ITPR1: variants seen among roughly 807,000 people sequenced by gnomAD.
ITPR1 encodes inositol 1,4,5-trisphosphate receptor type 1.
A neutral mutation model predicts 318.4 loss-of-function variants in ITPR1; 96 were observed. The observed-to-expected ratio is 0.30, with a 90% CI of 0.26 to 0.36. The LOEUF is 0.36. Ranked by LOEUF, ITPR1 falls within the 10% of genes least tolerant of loss-of-function variation. ITPR1 has a pLI of 1.00. For missense variants in ITPR1, 2,440 were observed against 3,460.2 expected, an observed-to-expected ratio of 0.71 and a Z score of 7.40; for synonymous variants, 1,312 against 1,289.9, an observed-to-expected ratio of 1.02 and a Z score of -0.37.
intron 33 of ITPR1, among the ~76,000 whole-genome samples, chr3:4,696,208 T>C (rs1013117172): frequency 1.2e-4 from 18 of 152,312 alleles, no homozygotes; most frequent in African/African-American, 4.3e-4. Flanking sequence ...CCATCACAAT[T>C]TAGTTACTGA....
At chr3:4,533,456 G>T (rs879935769) in intron 4 of ITPR1, among the ~76,000 whole-genome samples, 7 of 152,158 alleles carry the variant, frequency 4.6e-5, no homozygotes, top group Admixed American at 3.9e-4. Flanking sequence ...TAACACTGTG[G>T]AGCTGATAGG....
chr3:4,498,670 T>C (rs2080789368), intron 2 of ITPR1, among the ~76,000 whole-genome samples: 1 of 152,212 alleles, frequency 6.6e-6, no homozygotes. Context: ...TTCTGGACTG[T>C]CTGGTTAATG....
chr3:4,715,723 C>T (rs2041716932), intron 39 of ITPR1, among the ~76,000 whole-genome samples: 1 of 152,178 alleles, frequency 6.6e-6, no homozygotes, highest in South Asian at 2.1e-4. Flanking sequence ...CGTGGTGCCA[C>T]ACTCCTATAA....
intron 44 of ITPR1, among the ~76,000 whole-genome samples, chr3:4,765,201 G>T (rs1421491920): frequency 6.6e-6 from 1 of 152,180 alleles, no homozygotes; most frequent in Admixed American, 6.5e-5. Flanking sequence ...GGGAGGTGGT[G>T]ACTTGTGTCC....
chr3:4,683,371 C>T lies in ITPR1; in HGVS notation c.3162-15C>T, dbSNP rs781415718. The T allele has an allele frequency of 1.8e-5, 29 of 1,613,852 alleles. 1 individual carries two copies. In the Admixed American group the frequency reaches 4.7e-4, roughly 26 times the overall value. On this transcript the variant is annotated splice_polypyrimidine_tract_variant and intron_variant, in intron 26 of 61. Coordinates refer to ENST00000649015, the MANE Select transcript of ITPR1 (RefSeq NM_001378452.1). ...TGTCATTCATTTGGCCTTTCCCCAC[C>T]TTGTGCTCCTTTAGTGAGGAGAACA...
chr3:4,739,875 TGA>T (rs2043571943), intron 44 of ITPR1, among the ~76,000 whole-genome samples: 1 of 152,168 alleles, frequency 6.6e-6, no homozygotes, highest in African/African-American at 2.4e-5. Flanking sequence ...GGTCCTTTGC[TGA>T]GAGCTCAGCT....
intron 17 of ITPR1, 83 bp downstream of exon 17, chr3:4,665,379 C>T (rs975437041): frequency 1.5e-6 from 2 of 1,293,460 alleles, no homozygotes; most frequent in African/African-American, 2.9e-5. Context: ...TTTAGTGTCA[C>T]ATGTCTATTT....
chr3:4,539,163 T>C (rs1272474745), intron 4 of ITPR1, among the ~76,000 whole-genome samples: 1 of 152,248 alleles, frequency 6.6e-6, no homozygotes, highest in African/African-American at 2.4e-5. Flanking sequence ...TATTTTCTTA[T>C]GTCTGTTATT....
intron 2 of ITPR1, among the ~76,000 whole-genome samples, chr3:4,507,482 A>G (rs545074441): frequency 3.5e-4 from 53 of 152,304 alleles, no homozygotes; most frequent in African/African-American, 1.2e-3. Flanking sequence ...AAAAAAATGC[A>G]TGGGGATACT....
rs1001062751 is a variant in ITPR1 at position 4,680,636 on chromosome 3, G to A, written c.3051G>A (p.Gln1017=). 2 of 1,613,848 alleles carry A rather than the reference G, an allele frequency of 1.2e-6. No homozygotes were observed. Among genetic ancestry groups the A allele is most frequent in the Non-Finnish European group, 1.7e-6 (2 of 1,179,792 alleles). Residue 1017 remains glutamine (Q), a synonymous_variant, in exon 25 of 62, where the codon CAG becomes CAA. Transcript: ENST00000649015. ...GAGAGTTTGATGAAAGCAATTCCCAGACTTCAGAAACATCCTCCGGAAACA... is the reference window on the plus strand; with the variant it reads ...GAGAGTTTGATGAAAGCAATTCCCAAACTTCAGAAACATCCTCCGGAAACA... The part of the protein sequence containing the change: ...FKREFDESNS[Q]TSETSSGNSS...
At chr3:4,661,158 A>G in intron 14 of ITPR1, 71 bp downstream of exon 14, 1 of 844,718 alleles carries the variant, frequency 1.2e-6, no homozygotes, top group East Asian at 2.5e-5. Flanking sequence ...TTGAGGACAG[A>G]TCAGGGAGTA....
intron 4 of ITPR1, among the ~76,000 whole-genome samples, chr3:4,550,641 A>T (rs1262295991): frequency 2.0e-5 from 3 of 152,138 alleles, no homozygotes; most frequent in African/African-American, 7.2e-5. Flanking sequence ...AAGAAGAAAC[A>T]CTGAGAGGTA....
chr3:4,831,212 GTCAGTACCACCCCCATATCTAAA>G, intron 60 of ITPR1: 1 of 358,140 alleles, frequency 2.8e-6, no homozygotes, highest in Non-Finnish European at 5.5e-6. Flanking sequence ...CAAGAGGTTG[GTCAGTACCACCCCCATATCTAAA>G]ACTTCAGTGT....
intron 39 of ITPR1, among the ~76,000 whole-genome samples, chr3:4,717,085 A>G (rs1397267282): frequency 2.0e-5 from 3 of 152,242 alleles, no homozygotes; most frequent in South Asian, 2.1e-4. Flanking sequence ...CATGTCCACA[A>G]GCAAGCACAC....
At chr3:4,662,941 A>C (rs1237820688) in intron 15 of ITPR1, 124 bp from the exon 16 acceptor site, 3 of 715,552 alleles carry the variant, frequency 4.2e-6, no homozygotes, top group Non-Finnish European at 7.0e-6. Context: ...AGTTTCAAAG[A>C]AATTGGAAAG....
At chr3:4,650,909 AGTCT>A (rs1221081415) in intron 10 of ITPR1, among the ~76,000 whole-genome samples, 1 of 151,954 alleles carries the variant, frequency 6.6e-6, no homozygotes, top group Admixed American at 6.6e-5. Context: ...GAGTATGTGG[AGTCT>A]GTTGTTCTTT....
At chr3:4,760,725 G>A (rs1416042046) in intron 44 of ITPR1, among the ~76,000 whole-genome samples, 1 of 152,162 alleles carries the variant, frequency 6.6e-6, no homozygotes, top group Non-Finnish European at 1.5e-5. Context: ...CCCTTGGCTT[G>A]TGGCTCCTTC....
chr3:4,724,108 C>G (rs561315590), intron 40 of ITPR1, among the ~76,000 whole-genome samples: 6 of 152,176 alleles, frequency 3.9e-5, no homozygotes, highest in Non-Finnish European at 5.9e-5. Context: ...CTGTCCCTCC[C>G]CACCCCGAGC....
At chr3:4,806,321 T>A in intron 55 of ITPR1, 54 bp downstream of exon 55, 1 of 1,501,826 alleles carries the variant, frequency 6.7e-7, no homozygotes, top group South Asian at 1.1e-5. Flanking sequence ...GAGAGTGTCC[T>A]ATGTCCTCTC....
Sources: gnomAD v4.1 joint callset for allele counts (sites outside exome capture counted in the v4.1 genomes callset) on GRCh38, gnomAD v4.1.1 for gene constraint, MANE v1.5 for transcripts, NCBI Gene and HGNC (gene_info 2026-07-23, HGNC 2026-07-21) for gene names.